SMYD3: variants seen among roughly 807,000 people sequenced by gnomAD.
The protein encoded by SMYD3 is histone-lysine N-methyltransferase SMYD3.
A neutral mutation model predicts 57.7 loss-of-function variants in SMYD3; 36 were observed. The ratio of observed to expected loss-of-function variants is 0.62; its 90% CI spans 0.48 to 0.82. The LOEUF (loss-of-function observed/expected upper bound fraction) is 0.82, where lower values mean the gene tolerates loss of function less well. Ranked by LOEUF, SMYD3 falls within the 40% of genes least tolerant of loss-of-function variation. The probability of loss-of-function intolerance (pLI) is 0.00; values close to 1 mark genes in which losing one functional copy is unlikely to be tolerated. For synonymous variants in SMYD3, 211 were observed against 195.0 expected, an observed-to-expected ratio of 1.08 and a Z score of -0.68; for missense variants, 515 against 538.8, an observed-to-expected ratio of 0.96 and a Z score of 0.44.
intron 1 of SMYD3, 88 bp downstream of exon 1, chr1:246,506,965 TC>T: frequency 8.2e-7 from 1 of 1,213,870 alleles, no homozygotes; most frequent in Non-Finnish European, 1.1e-6. Flanking sequence ...CCAGCAGGAG[TC>T]CCGCGGCTGC....
chr1:245,774,635 C>T (rs2046468232), intron 10 of SMYD3, among the ~76,000 whole-genome samples: 1 of 126,988 alleles, frequency 7.9e-6, no homozygotes, highest in Non-Finnish European at 1.7e-5. Context: ...CTCCCTCTCC[C>T]CACAGTCTCC....
intron 1 of SMYD3, among the ~76,000 whole-genome samples, chr1:246,445,060 T>C (rs552975859): frequency 6.6e-6 from 1 of 152,204 alleles, no homozygotes; most frequent in Non-Finnish European, 1.5e-5. Flanking sequence ...ATGATGGCAG[T>C]GATGATGTTT....
At chr1:245,784,726 C>T (rs2046964572) in intron 10 of SMYD3, among the ~76,000 whole-genome samples, 1 of 152,094 alleles carries the variant, frequency 6.6e-6, no homozygotes, top group Admixed American at 6.6e-5. Context: ...GCAGAAGCTG[C>T]AGGGGTTCAT....
At chr1:246,234,846 T>G (rs1008502101) in intron 5 of SMYD3, among the ~76,000 whole-genome samples, 10 of 152,204 alleles carry the variant, frequency 6.6e-5, no homozygotes, top group African/African-American at 2.4e-4. Flanking sequence ...ATATTATATT[T>G]AAATGTATCT....
chr1:245,858,515 GA>G lies in SMYD3; in HGVS notation c.1056del (p.Arg353GlyfsTer21). 6.2e-7 allele frequency: 1 copy of G among 1,614,010 alleles called. No homozygotes were observed. Among genetic ancestry groups the G allele is most frequent in the Non-Finnish European group, 8.5e-7 (1 of 1,179,988 alleles). On this transcript the variant is annotated frameshift_variant, in exon 10 of 12. Transcript: ENST00000490107. LOFTEE classifies it high-confidence loss of function. ...ACTTGCCTGTATGGCTCCATGGTCC[GA>G]GTACCATAGAACAAGGCTTCCTCCA... ...GLLEEALFYG[T>X]RTMEPYRIFF...
At chr1:246,033,149 C>T (rs1009130187) in intron 5 of SMYD3, among the ~76,000 whole-genome samples, 8 of 152,020 alleles carry the variant, frequency 5.3e-5, no homozygotes, top group African/African-American at 1.9e-4. Flanking sequence ...GGAAGCAACA[C>T]AGATGTCCTT....
chr1:245,786,132 T>C (rs911498692), intron 10 of SMYD3, among the ~76,000 whole-genome samples: 4 of 132,540 alleles, frequency 3.0e-5, no homozygotes. Context: ...ATACTACAAC[T>C]ATTACCTAAA....
intron 5 of SMYD3, among the ~76,000 whole-genome samples, chr1:246,308,408 G>A (rs1381031434): frequency 6.6e-6 from 1 of 151,928 alleles, no homozygotes; most frequent in African/African-American, 2.4e-5. Context: ...AGAAATAAAA[G>A]GATGACAAGT....
chr1:246,384,434 C>T (rs867093535), intron 1 of SMYD3, among the ~76,000 whole-genome samples: 1 of 151,768 alleles, frequency 6.6e-6, no homozygotes, highest in Middle Eastern at 3.4e-3. Context: ...CTCACTCTGT[C>T]GCCCAAGCTA....
At chr1:245,968,425 T>A (rs940142463) in intron 5 of SMYD3, among the ~76,000 whole-genome samples, 2 of 152,142 alleles carry the variant, frequency 1.3e-5, no homozygotes, top group Non-Finnish European at 2.9e-5. Flanking sequence ...ACAACTCTCC[T>A]TCAAGGCCCA....
At chr1:246,358,418 T>C (rs1218494112) in intron 1 of SMYD3, among the ~76,000 whole-genome samples, 1 of 151,998 alleles carries the variant, frequency 6.6e-6, no homozygotes, top group East Asian at 1.9e-4. Flanking sequence ...AGACAGAAAG[T>C]CAACAAAGAA....
intron 5 of SMYD3, among the ~76,000 whole-genome samples, chr1:246,237,607 T>A (rs960598155): frequency 2.0e-5 from 3 of 152,210 alleles, no homozygotes; most frequent in African/African-American, 7.2e-5. Context: ...TTTCAAAATA[T>A]CTTTATTATT....
chr1:246,165,707 G>A (rs1208256004), intron 5 of SMYD3, among the ~76,000 whole-genome samples: 1 of 152,108 alleles, frequency 6.6e-6, no homozygotes, highest in African/African-American at 2.4e-5. Context: ...TGGTAAAAGT[G>A]AATAAAGGTC....
At chr1:246,035,194 T>C (rs1439156027) in intron 5 of SMYD3, 2 of 152,220 alleles carry the variant, frequency 1.3e-5, no homozygotes, top group African/African-American at 4.8e-5. Flanking sequence ...CCAAAATTAA[T>C]ATAGTAAACA....
chr1:246,254,262 A>C (rs961208118), intron 5 of SMYD3, among the ~76,000 whole-genome samples: 1 of 152,126 alleles, frequency 6.6e-6, no homozygotes, highest in African/African-American at 2.4e-5. Context: ...AGCTTCTTAT[A>C]GTTTCAGATC....
At chr1:246,268,437 C>T (rs1340558753) in intron 5 of SMYD3, among the ~76,000 whole-genome samples, 4 of 152,236 alleles carry the variant, frequency 2.6e-5, no homozygotes, top group Non-Finnish European at 4.4e-5. Flanking sequence ...CAGTGGCTCA[C>T]GCCTGTAAAC....
Position 246,203,414 on chromosome 1 carries a change from TAC to T in SMYD3, c.531+123785_531+123786del, listed in dbSNP as rs2062949781. ...CGCTAGAGCTGCCATAACAGAATAC[TAC>T]AGACTGGTGGCTGAAACAACAGCAA... On this transcript the variant is annotated intron_variant, in intron 5 of 11. Coordinates refer to ENST00000490107, the MANE Select transcript of SMYD3 (RefSeq NM_001167740.2). The surrounding 1 kb of genome is among the most constrained non-coding windows in gnomAD (Gnocchi z 4.6). 1.3e-5 allele frequency among the ~76,000 whole-genome samples: 2 copies of T among 152,200 alleles called. No individual in the cohort carries two copies. The highest frequency in any genetic ancestry group is 4.1e-4 in the South Asian group (2 of 4,828).
At chr1:246,495,166 G>A (rs1327494640) in intron 1 of SMYD3, among the ~76,000 whole-genome samples, 10 of 151,966 alleles carry the variant, frequency 6.6e-5, no homozygotes, top group Admixed American at 2.6e-4. Flanking sequence ...TGGCTAACAC[G>A]GTGAAACCCC....
chr1:245,751,674 G>C (rs1353108292), intron 11 of SMYD3, among the ~76,000 whole-genome samples: 1 of 152,182 alleles, frequency 6.6e-6, no homozygotes, highest in African/African-American at 2.4e-5. Context: ...TCTCAGCCTG[G>C]AAGACAGCTC....
Sources: gnomAD v4.1 joint callset for allele counts (sites outside exome capture counted in the v4.1 genomes callset) on GRCh38, gnomAD v4.1.1 for gene constraint, Gnocchi (gnomAD v3.1) non-coding constraint, MANE v1.5 for transcripts, NCBI Gene and HGNC (gene_info 2026-07-23, HGNC 2026-07-21) for gene names.